ELOVL6: variants seen among roughly 807,000 people sequenced by gnomAD.
The protein encoded by ELOVL6 is ELOVL fatty acid elongase 6, also known as very long chain fatty acid elongase 6.
A neutral mutation model predicts 31.7 loss-of-function variants in ELOVL6; 8 were observed. The ratio of observed to expected loss-of-function variants is 0.25; its 90% CI spans 0.15 to 0.45. The LOEUF (loss-of-function observed/expected upper bound fraction) is 0.45, where lower values mean the gene tolerates loss of function less well. Ranked by LOEUF, ELOVL6 falls within the 20% of genes least tolerant of loss-of-function variation. ELOVL6 has a pLI of 1.00. For synonymous variants in ELOVL6, 101 were observed against 117.7 expected, an observed-to-expected ratio of 0.86 and a Z score of 0.92; for missense variants, 126 against 326.4, an observed-to-expected ratio of 0.39 and a Z score of 4.73.
chr4:110,167,652 G>C (rs1472785510), intron 1 of ELOVL6, among the ~76,000 whole-genome samples: 1 of 144,372 alleles, frequency 6.9e-6, no homozygotes, highest in East Asian at 2.0e-4. Flanking sequence ...CACCACCTCA[G>C]TTATGTATGT....
chr4:110,120,410 C>CT (rs1757311007), intron 1 of ELOVL6, among the ~76,000 whole-genome samples: 2 of 151,358 alleles, frequency 1.3e-5, no homozygotes, highest in African/African-American at 4.9e-5. Flanking sequence ...AGTCTAAGGC[C>CT]TTTTTTGATC....
chr4:110,108,140 C>A (rs930378255), intron 1 of ELOVL6, among the ~76,000 whole-genome samples: 7 of 152,098 alleles, frequency 4.6e-5, no homozygotes, highest in Admixed American at 3.9e-4. Flanking sequence ...ATTTTCTGAG[C>A]CTGGGAAGCT....
At chr4:110,159,478 T>A (rs981685060) in intron 1 of ELOVL6, among the ~76,000 whole-genome samples, 29 of 152,064 alleles carry the variant, frequency 1.9e-4, no homozygotes, top group East Asian at 3.9e-4. Context: ...CTTTTTTTTT[T>A]AAAAGTCAAG....
intron 1 of ELOVL6, chr4:110,147,099 C>G (rs1758136222): frequency 6.4e-6 from 1 of 156,156 alleles, no homozygotes; most frequent in African/African-American, 2.4e-5. Context: ...CACCAGACTT[C>G]CAGAGTTCAT....
chr4:110,111,090 G>A (rs1214558341), intron 1 of ELOVL6, among the ~76,000 whole-genome samples: 1 of 152,126 alleles, frequency 6.6e-6, no homozygotes, highest in African/African-American at 2.4e-5. Context: ...CAATAACATG[G>A]CTGCACATCC....
chr4:110,172,217 A>T (rs965472075), intron 1 of ELOVL6, among the ~76,000 whole-genome samples: 8 of 152,126 alleles, frequency 5.3e-5, no homozygotes, highest in African/African-American at 1.9e-4. Context: ...GATAGTGTCA[A>T]AATTGAACTG....
chr4:110,067,910 C>A (rs1197634690), intron 2 of ELOVL6, among the ~76,000 whole-genome samples: 1 of 151,996 alleles, frequency 6.6e-6, no homozygotes, highest in African/African-American at 2.4e-5. Context: ...TATCTGGTGT[C>A]AAATAATCCT....
At chr4:110,134,375 G>A (rs1466824196) in intron 1 of ELOVL6, among the ~76,000 whole-genome samples, 1 of 152,140 alleles carries the variant, frequency 6.6e-6, no homozygotes, top group Admixed American at 6.5e-5. Flanking sequence ...GTTTGGGAGG[G>A]ATAGAAGTAT....
intron 2 of ELOVL6, among the ~76,000 whole-genome samples, chr4:110,096,461 C>CA (rs1756583180): frequency 6.6e-6 from 1 of 152,116 alleles, no homozygotes; most frequent in Non-Finnish European, 1.5e-5. Context: ...ATCTAGAAAA[C>CA]AAAGAGAATG....
At chr4:110,170,982 G>C (rs1758925953) in intron 1 of ELOVL6, among the ~76,000 whole-genome samples, 1 of 152,048 alleles carries the variant, frequency 6.6e-6, no homozygotes, top group African/African-American at 2.4e-5. Flanking sequence ...ACCTTCCCAG[G>C]CCTTTCTGAT....
chr4:110,176,151 C>CTTATTTATTTAT (rs35100521), intron 1 of ELOVL6, among the ~76,000 whole-genome samples: 9 of 149,436 alleles, frequency 6.0e-5, no homozygotes, highest in Admixed American at 1.3e-4. Flanking sequence ...ATGTTTCTAC[C>CTTATTTATTTAT]TTATTTATTT....
chr4:110,119,523 G>A (rs1163045975), intron 1 of ELOVL6, among the ~76,000 whole-genome samples: 2 of 152,180 alleles, frequency 1.3e-5, no homozygotes, highest in African/African-American at 4.8e-5. Flanking sequence ...GCTCCTGCTT[G>A]TGCCTGTCAT....
chr4:110,057,328 T>TA (rs150253360), intron 3 of ELOVL6, among the ~76,000 whole-genome samples: 17 of 149,816 alleles, frequency 1.1e-4, no homozygotes, highest in African/African-American at 2.2e-4. Flanking sequence ...TATTTCTTAT[T>TA]AAAAAAAAAA....
intron 1 of ELOVL6, among the ~76,000 whole-genome samples, chr4:110,142,127 G>A (rs1029328938): frequency 1.4e-5 from 2 of 138,902 alleles, no homozygotes; most frequent in Non-Finnish European, 3.0e-5. Flanking sequence ...CTGGAGTGCA[G>A]TGGTGTGATC....
At chr4:110,054,111 A>G (rs1159078792) in intron 3 of ELOVL6, among the ~76,000 whole-genome samples, 1 of 152,210 alleles carries the variant, frequency 6.6e-6, no homozygotes, top group East Asian at 1.9e-4. Flanking sequence ...CAAAAAATAA[A>G]TAAATTAATT....
intron 1 of ELOVL6, among the ~76,000 whole-genome samples, chr4:110,117,219 C>A (rs899646413): frequency 2.6e-5 from 4 of 152,104 alleles, no homozygotes; most frequent in African/African-American, 9.7e-5. Context: ...AATTATCCAG[C>A]CCCCAAAAAT....
chr4:110,091,813 A>C (rs974747030), intron 2 of ELOVL6, among the ~76,000 whole-genome samples: 1 of 152,230 alleles, frequency 6.6e-6, no homozygotes, highest in African/African-American at 2.4e-5. Flanking sequence ...GGAGCAAAAG[A>C]AAATCGTTGC....
chr4:110,168,715 C>A (rs1220058994), intron 1 of ELOVL6, among the ~76,000 whole-genome samples: 1 of 151,892 alleles, frequency 6.6e-6, no homozygotes, highest in Non-Finnish European at 1.5e-5. Context: ...CAGGAGAGAC[C>A]CAGACTCTGT....
chr4:110,096,969 G>C (rs1437962851), intron 2 of ELOVL6, among the ~76,000 whole-genome samples: 1 of 152,064 alleles, frequency 6.6e-6, no homozygotes, highest in African/African-American at 2.4e-5. Flanking sequence ...CTGAACAGGG[G>C]TATCCTGCAG....
Sources: allele counts gnomAD v4.1 joint callset (sites outside exome capture counted in the v4.1 genomes callset), GRCh38; gene constraint gnomAD v4.1.1; transcripts MANE v1.5; gene names NCBI Gene and HGNC (gene_info 2026-07-23, HGNC 2026-07-21).